The following ARAP2 variants were observed in gnomAD, a reference collection of about 807,000 sequenced individuals.
ARAP2 encodes ArfGAP with RhoGAP domain, ankyrin repeat and PH domain 2, also known as arf-GAP with Rho-GAP domain, ANK repeat and PH domain-containing protein 2.
ARAP2 carries 148 observed loss-of-function variants against 194.5 expected under a neutral mutation model. The ratio of observed to expected loss-of-function variants is 0.76; its 90% confidence interval spans 0.67 to 0.87. ARAP2 has a LOEUF of 0.87. Among genes scored for constraint, ARAP2 ranks in the 40% least tolerant of loss-of-function variants. The pLI is 0.00. For synonymous variants in ARAP2, 695 were observed against 683.5 expected (o/e 1.02, Z -0.26); for missense variants, 2,128 against 1,989.7 (o/e 1.07, Z -1.32).
chr4:36,191,329 T>C (rs6843708), intron 7 of ARAP2, among the ~76,000 whole-genome samples: 136,631 of 152,098 alleles, frequency 0.9, 61,497 homozygotes, highest in East Asian at 1. Context: ...TAATAGATCC[T>C]GTTAAAGAGA....
chr4:36,106,106 C>T (rs1305362530), intron 27 of ARAP2, among the ~76,000 whole-genome samples: 2 of 151,490 alleles, frequency 1.3e-5, no homozygotes, highest in African/African-American at 2.4e-5. Context: ...CAAGTTGTGA[C>T]AGTCAGAAAT....
chr4:36,242,069 C>T (rs113311052), intron 1 of ARAP2, among the ~76,000 whole-genome samples: 256 of 152,178 alleles, frequency 1.7e-3, no homozygotes, highest in African/African-American at 5.9e-3. Flanking sequence ...GTTTAACTAC[C>T]ATTATATATT....
At chr4:36,051,592 A>G (rs962516311) in intron 3 of ARAP2, among the ~76,000 whole-genome samples, 1 of 152,124 alleles carries the variant, frequency 6.6e-6, no homozygotes, top group African/African-American at 2.4e-5. Context: ...AGATAAATTG[A>G]TTTTGTAATT....
chr4:36,120,717 A>T (rs550057317), intron 23 of ARAP2, among the ~76,000 whole-genome samples: 3 of 151,786 alleles, frequency 2.0e-5, no homozygotes, highest in African/African-American at 4.8e-5. Context: ...GTCAATTAAA[A>T]CAGATGACTT....
chr4:36,193,815 T>C (rs1742488495), intron 6 of ARAP2, among the ~76,000 whole-genome samples, 168 bp from the exon 7 acceptor site: 1 of 152,100 alleles, frequency 6.6e-6, no homozygotes, highest in Admixed American at 6.5e-5. Flanking sequence ...TAGGAAAAAA[T>C]AGCATAATAG....
At chr4:36,233,100 T>C (rs1751812866) in intron 1 of ARAP2, among the ~76,000 whole-genome samples, 1 of 152,186 alleles carries the variant, frequency 6.6e-6, no homozygotes, top group Admixed American at 6.5e-5. Flanking sequence ...TGCACATTAA[T>C]GTCAACTCTG....
chr4:36,184,158 T>G (rs1739948977), intron 8 of ARAP2, among the ~76,000 whole-genome samples: 1 of 151,970 alleles, frequency 6.6e-6, no homozygotes, highest in South Asian at 2.1e-4. Flanking sequence ...TCAAGTGTAT[T>G]AAGTTTACAC....
chr4:36,112,823 A>G (rs901542567), intron 26 of ARAP2, among the ~76,000 whole-genome samples: 1 of 151,964 alleles, frequency 6.6e-6, no homozygotes. Context: ...CTAGGTTTTA[A>G]AAGAGGTAAG....
chr4:36,215,305 A>G (rs1403600221), intron 2 of ARAP2, among the ~76,000 whole-genome samples: 1 of 152,258 alleles, frequency 6.6e-6, no homozygotes, highest in Non-Finnish European at 1.5e-5. Flanking sequence ...TGGTCCATCG[A>G]TTTAAGAAAA....
chr4:36,007,855 C>A (rs1378332203), intron 9 of ARAP2, among the ~76,000 whole-genome samples: 2 of 151,968 alleles, frequency 1.3e-5, no homozygotes, highest in Non-Finnish European at 1.5e-5. Context: ...TTCCTGGATG[C>A]AAAATCAGTG....
chr4:36,050,380 GT>G (rs1274561406), intron 3 of ARAP2, among the ~76,000 whole-genome samples: 1 of 152,102 alleles, frequency 6.6e-6, no homozygotes, highest in Non-Finnish European at 1.5e-5. Flanking sequence ...TCTTGCAGCA[GT>G]TTTTTGGAAT....
chr4:36,174,001 G>C (rs1350586235), intron 9 of ARAP2, among the ~76,000 whole-genome samples: 1 of 152,170 alleles, frequency 6.6e-6, no homozygotes. Flanking sequence ...GCTACATATA[G>C]AAGGTTACCA....
intron 27 of ARAP2, among the ~76,000 whole-genome samples, chr4:36,097,314 T>TATG (rs1715582329): frequency 6.6e-6 from 1 of 152,094 alleles, no homozygotes; most frequent in Non-Finnish European, 1.5e-5. Flanking sequence ...TATGAAGCTC[T>TATG]ATGATAAATA....
chr4:36,133,417 T>G (rs760865822), intron 19 of ARAP2, 28 bp from the exon 20 acceptor site: 1 of 1,587,860 alleles, frequency 6.3e-7, no homozygotes, highest in Admixed American at 1.8e-5. Context: ...CATTTCAAAT[T>G]ATAATTTTGC....
chr4:36,113,431 A>G (rs1030896589), intron 26 of ARAP2, among the ~76,000 whole-genome samples: 3 of 151,984 alleles, frequency 2.0e-5, no homozygotes, highest in Non-Finnish European at 4.4e-5. Flanking sequence ...AACACTCCTA[A>G]TAACACACTA....
chr4:36,051,504 C>CAAT (rs1297768743), intron 3 of ARAP2, among the ~76,000 whole-genome samples: 5 of 151,556 alleles, frequency 3.3e-5, no homozygotes, highest in Admixed American at 3.3e-4. Context: ...TAAATAATAA[C>CAAT]AATAATAATA....
chr4:36,226,299 T>C (rs1376429755), intron 2 of ARAP2, among the ~76,000 whole-genome samples: 1 of 152,166 alleles, frequency 6.6e-6, no homozygotes, highest in Admixed American at 6.6e-5. Context: ...GTTGAAAATA[T>C]ACCACTCCAG....
intron 22 of ARAP2, among the ~76,000 whole-genome samples, chr4:36,122,439 A>G (rs754620525): frequency 1.4e-4 from 22 of 151,896 alleles, no homozygotes; most frequent in Non-Finnish European, 2.9e-4. Flanking sequence ...CAGCCATAAC[A>G]AAGAATGAGA....
chr4:36,198,646 C>T (rs919591401), intron 6 of ARAP2, among the ~76,000 whole-genome samples: 2 of 152,212 alleles, frequency 1.3e-5, no homozygotes, highest in Non-Finnish European at 2.9e-5. Flanking sequence ...CAGCACTTCC[C>T]CAAGAGTGCA....
Sources: gnomAD v4.1 joint callset for allele counts (sites outside exome capture counted in the v4.1 genomes callset) on GRCh38, gnomAD v4.1.1 for gene constraint, MANE v1.5 for transcripts, NCBI Gene and HGNC (gene_info 2026-07-23, HGNC 2026-07-21) for gene names.